CDH11: variants seen among roughly 807,000 people sequenced by gnomAD.
The protein encoded by CDH11 is cadherin-11.
In CDH11, 11 loss-of-function variants were observed where a neutral mutation model predicts 67.8. The ratio of observed to expected loss-of-function variants is 0.16; its 90% CI spans 0.10 to 0.27. The LOEUF (loss-of-function observed/expected upper bound fraction) is 0.27. Ranked by LOEUF, CDH11 falls within the 10% of genes least tolerant of loss-of-function variation. The pLI, the probability that CDH11 is intolerant of heterozygous loss-of-function variation, is 1.00. For synonymous variants in CDH11, 419 were observed against 400.0 expected (o/e 1.05, Z -0.57); for missense variants, 847 against 1,031.2 (o/e 0.82, Z 2.45).
intron 1 of CDH11, among the ~76,000 whole-genome samples, chr16:65,087,936 ATAAAT>A (rs1285731436): frequency 4.6e-5 from 7 of 152,218 alleles, no homozygotes; most frequent in African/African-American, 1.2e-4. Flanking sequence ...GAGGTGCAAA[ATAAAT>A]TAAATAAAGT....
chr16:65,102,398 TA>T (rs887039341), intron 1 of CDH11, among the ~76,000 whole-genome samples: 10 of 151,994 alleles, frequency 6.6e-5, no homozygotes, highest in Non-Finnish European at 7.4e-5. Context: ...CCCACTCTCC[TA>T]AAAAAAAGTC....
chr16:64,991,095 C>A (rs2072618591), intron 6 of CDH11, among the ~76,000 whole-genome samples: 1 of 152,154 alleles, frequency 6.6e-6, no homozygotes, highest in Non-Finnish European at 1.5e-5. Flanking sequence ...CCAGTGGAAA[C>A]TTCTGAAGCT....
chr16:65,041,342 A>G (rs2073864490), intron 2 of CDH11, among the ~76,000 whole-genome samples: 1 of 151,734 alleles, frequency 6.6e-6, no homozygotes. Flanking sequence ...TCTGTCTGCT[A>G]CTCTGAATTC....
rs1380928802 is a variant in CDH11, at chr16:65,121,290, T to G, written c.-298+590A>C. Among the ~76,000 whole-genome samples, 2 of 152,160 alleles carry G rather than the reference T, an allele frequency of 1.3e-5. No individual in the cohort carries two copies. Reference sequence around the variant, plus strand: ...ACAGTCGGCGGCCCCAAACCCACGCTATTAAAGTGCGGGCAATCTCCTTCC... The same window carrying G: ...ACAGTCGGCGGCCCCAAACCCACGCGATTAAAGTGCGGGCAATCTCCTTCC... On this transcript the variant is annotated intron_variant, in intron 1 of 12. Coordinates refer to ENST00000268603, the MANE Select transcript of CDH11 (RefSeq NM_001797.4). The surrounding 1 kb of genome is among the most constrained non-coding windows in gnomAD (Gnocchi z 4.1).
chr16:65,122,089 G>C (rs527480624), upstream of CDH11: 1 of 360,614 alleles, frequency 2.8e-6, no homozygotes, highest in African/African-American at 2.3e-5. Flanking sequence ...CTAGTGGCAG[G>C]AATGAGAAAC....
At chr16:65,026,329 C>A (rs978819100) in intron 2 of CDH11, among the ~76,000 whole-genome samples, 6 of 152,064 alleles carry the variant, frequency 3.9e-5, no homozygotes, top group African/African-American at 1.4e-4. Flanking sequence ...GTTTGGAGCC[C>A]TTTGGTCTGT....
chr16:65,070,011 C>G (rs1209754898), intron 1 of CDH11, among the ~76,000 whole-genome samples: 2 of 152,170 alleles, frequency 1.3e-5, no homozygotes, highest in African/African-American at 4.8e-5. Context: ...GATTTGCCAT[C>G]TGACTCAGAA....
chr16:65,074,201 C>T (rs1232270199), intron 1 of CDH11, among the ~76,000 whole-genome samples: 1 of 152,102 alleles, frequency 6.6e-6, no homozygotes, highest in Non-Finnish European at 1.5e-5. Flanking sequence ...ATAGGAATGC[C>T]ACAGAGAACA....
chr16:64,951,547 G>C (rs2071362107), intron 11 of CDH11, among the ~76,000 whole-genome samples: 1 of 151,910 alleles, frequency 6.6e-6, no homozygotes. Context: ...CCCTTTAAAG[G>C]CAAGCCTGTC....
chr16:65,010,965 A>ATG lies in CDH11; in HGVS notation c.-172-5926_-172-5925dup, dbSNP rs796853796. Among the ~76,000 whole-genome samples, 44 of 103,758 alleles carry ATG rather than the reference A, an allele frequency of 4.2e-4. No homozygotes were observed. In the East Asian group the frequency reaches 5.1e-3, roughly 12 times the overall value. The allele number at this position is 103,758 out of a possible 152,430, so 68.1% of individuals were successfully genotyped here. On this transcript the variant is annotated intron_variant, in intron 2 of 12. Transcript: ENST00000268603. ...ATATATGTGTGACATATATATATATATGTGTTTATATATATATATATACAC... is the reference window on the plus strand; with the variant it reads ...ATATATGTGTGACATATATATATATATGTGTGTTTATATATATATATATACAC...
At chr16:65,001,935 G>GC (rs1452800914) in intron 3 of CDH11, among the ~76,000 whole-genome samples, 1 of 152,092 alleles carries the variant, frequency 6.6e-6, no homozygotes, top group African/African-American at 2.4e-5. Flanking sequence ...CATGACACAG[G>GC]CTGTATTTCC....
At chr16:64,962,032 A>G (rs765416879) in intron 11 of CDH11, among the ~76,000 whole-genome samples, 6 of 152,190 alleles carry the variant, frequency 3.9e-5, no homozygotes, top group Admixed American at 6.6e-5. Flanking sequence ...TTGTTATGAT[A>G]TAGCACATAT....
Position 65,110,827 on chromosome 16 carries a change from T to C in CDH11, c.-298+11053A>G, listed in dbSNP as rs115853416. ...CCTATAAAGGTGCTTATTGGGGTTATTTCCTAAACATAGGAAGGTGGTTCT... is the reference window on the plus strand; with the variant it reads ...CCTATAAAGGTGCTTATTGGGGTTACTTCCTAAACATAGGAAGGTGGTTCT... On this transcript the variant is annotated intron_variant, in intron 1 of 12. Transcript: ENST00000268603. Among the ~76,000 whole-genome samples the C allele has an allele frequency of 4.6e-3, 702 of 152,272 alleles. 9 individuals carry two copies. Among genetic ancestry groups the C allele is most frequent in the African/African-American group, 0.016 (660 of 41,554 alleles).
chr16:65,007,385 G>C (rs1419698506), intron 2 of CDH11, among the ~76,000 whole-genome samples: 1 of 152,124 alleles, frequency 6.6e-6, no homozygotes, highest in African/African-American at 2.4e-5. Flanking sequence ...TATGTAAAAG[G>C]CTACGTGGGA....
intron 1 of CDH11, among the ~76,000 whole-genome samples, chr16:65,114,028 T>C (rs2075202579): frequency 6.6e-6 from 1 of 151,536 alleles, no homozygotes; most frequent in Non-Finnish European, 1.5e-5. Flanking sequence ...TGAAGGGGGG[T>C]CAAAACGTAA....
intron 2 of CDH11, among the ~76,000 whole-genome samples, chr16:65,033,432 A>G (rs1424571622): frequency 6.6e-6 from 1 of 152,198 alleles, no homozygotes; most frequent in African/African-American, 2.4e-5. Context: ...AGCCATTTAA[A>G]ATTAATGATA....
intron 6 of CDH11, among the ~76,000 whole-genome samples, chr16:64,989,658 C>T (rs183660115): frequency 6.6e-6 from 1 of 152,212 alleles, no homozygotes; most frequent in Admixed American, 6.5e-5. Flanking sequence ...GTAAAATAGA[C>T]CATTGTGGGG....
chr16:65,080,444 A>G (rs934205232), intron 1 of CDH11, among the ~76,000 whole-genome samples: 5 of 152,220 alleles, frequency 3.3e-5, no homozygotes, highest in African/African-American at 1.2e-4. Flanking sequence ...TTTAATTAAC[A>G]AACACACCAG....
At chr16:65,048,167 T>A (rs1320905393) in intron 2 of CDH11, among the ~76,000 whole-genome samples, 2 of 152,182 alleles carry the variant, frequency 1.3e-5, no homozygotes, top group Non-Finnish European at 2.9e-5. Context: ...CCTCTTGCCA[T>A]TTTTGCCCCT....
Sources: gnomAD v4.1 joint callset for allele counts (sites outside exome capture counted in the v4.1 genomes callset) on GRCh38, gnomAD v4.1.1 for gene constraint, Gnocchi (gnomAD v3.1) non-coding constraint, MANE v1.5 for transcripts, NCBI Gene and HGNC (gene_info 2026-07-23, HGNC 2026-07-21) for gene names.